Variants in COLEC11 observed in about 807,000 individuals in gnomAD.
The protein encoded by COLEC11 is collectin subfamily member 11, also known as collectin-11.
In COLEC11, 20 loss-of-function variants were observed where a neutral mutation model predicts 27.3. That is an observed-to-expected ratio of 0.73 (90% CI 0.51 to 1.06). The LOEUF (loss-of-function observed/expected upper bound fraction) is 1.06, where lower values mean the gene tolerates loss of function less well. COLEC11 is among the 50% of genes least tolerant of loss of function. The pLI is 0.00. For synonymous variants in COLEC11, 163 were observed against 154.7 expected (o/e 1.05, Z -0.40); for missense variants, 310 against 383.0 (o/e 0.81, Z 1.59).
rs1382231609 is a variant in COLEC11, at chr2:3,600,657, G to A, written c.-26-3658G>A. ...AGGATGGCGTCCCCCAGGGGAGGGC[G>A]CGTGGATGGGAGCGGGGCTGGGGCT... On this transcript the variant is annotated intron_variant, in intron 1 of 6. Coordinates refer to ENST00000349077, the MANE Select transcript of COLEC11 (RefSeq NM_024027.5). Among the ~76,000 whole-genome samples the A allele has an allele frequency of 5.9e-5, 9 of 152,234 alleles. No individual in the cohort carries two copies. The South Asian group carries it at 1.0e-3, about 18-fold the overall frequency.
chr2:3,607,004 C>T lies in COLEC11; in HGVS notation c.130+2534C>T, dbSNP rs186932714. ...GGGATGAAGAAGCCGCGGCCTGTCT[C>T]CTCACAGTCCCGCCGTTCGGCCCCG... On this transcript the variant is annotated intron_variant, in intron 2 of 6. Transcript: ENST00000349077. 2.8e-3 allele frequency among the ~76,000 whole-genome samples: 432 copies of T among 152,350 alleles called. 2 individuals carry two copies. Among genetic ancestry groups the T allele is most frequent in the African/African-American group, 0.01 (421 of 41,578 alleles).
At chr2:3,604,652 C>T (rs376979251) in intron 2 of COLEC11, among the ~76,000 whole-genome samples, 182 bp downstream of exon 2, 4 of 152,220 alleles carry the variant, frequency 2.6e-5, no homozygotes, top group African/African-American at 7.2e-5. Flanking sequence ...AAACTGTCTT[C>T]GGCCATGGAA....
chr2:3,626,260 C>T lies in COLEC11; in HGVS notation c.203-11273C>T, dbSNP rs75339191. On this transcript the variant is annotated intron_variant, in intron 3 of 6. Transcript: ENST00000349077. ...GGGAGGAATATTGTTAGGCACAATG[C>T]GGTCCCAGCCTCAGCTGAGCAGTGC... Among the ~76,000 whole-genome samples, 184 of 152,364 alleles carry T rather than the reference C, an allele frequency of 1.2e-3. 4 individuals are homozygous for T. The East Asian group carries it at 0.03, about 25-fold the overall frequency.
Position 3,641,072 on chromosome 2 carries a change from C to T in COLEC11, c.328+741C>T, listed in dbSNP as rs1461842825. On this transcript the variant is annotated intron_variant, in intron 5 of 6. Coordinates refer to ENST00000349077, the MANE Select transcript of COLEC11 (RefSeq NM_024027.5). ...ACACCCACCCACCATGTAGACCCCACGGTGGACACCCACCCACCATGTAGA... is the reference window on the plus strand; with the variant it reads ...ACACCCACCCACCATGTAGACCCCATGGTGGACACCCACCCACCATGTAGA... Among the ~76,000 whole-genome samples the T allele has an allele frequency of 3.0e-5, 4 of 134,610 alleles. No homozygotes were observed. The South Asian group carries it at 8.4e-4, about 28-fold the overall frequency. The allele number at this position is 134,610 out of a possible 152,430, so 88.3% of individuals were successfully genotyped here. A position where few individuals can be genotyped will look rare whatever the true frequency, so the allele number is the denominator to read the frequency against.
chr2:3,610,776 C>T (rs544765319), intron 2 of COLEC11, among the ~76,000 whole-genome samples: 94 of 152,336 alleles, frequency 6.2e-4, no homozygotes, highest in South Asian at 1.4e-3. Context: ...AACCACCCCT[C>T]AGAGGGGCTT....
intron 2 of COLEC11, among the ~76,000 whole-genome samples, chr2:3,605,263 G>A (rs1278405739): frequency 6.6e-6 from 1 of 151,770 alleles, no homozygotes; most frequent in Non-Finnish European, 1.5e-5. Flanking sequence ...CCGCAGCAGA[G>A]TCCAGGCCGC....
At position 3,603,045 on chromosome 2, in the gene COLEC11, G is replaced by A. The variant is rs535983436; in HGVS notation, c.-26-1270G>A. Among the ~76,000 whole-genome samples, 17 of 152,372 alleles carry A rather than the reference G, an allele frequency of 1.1e-4. No individual in the cohort carries two copies. The South Asian group carries it at 2.3e-3, about 20-fold the overall frequency. On this transcript the variant is annotated intron_variant, in intron 1 of 6. Coordinates refer to ENST00000349077, the MANE Select transcript of COLEC11 (RefSeq NM_024027.5). The stretch of plus-strand genomic sequence containing the variant: ...TCGGCATCCACAAATGTTTCTGAAC[G>A]AATGATTAACCAAACGAAAGGCTGC...
chr2:3,616,652 T>A (rs1319664097), intron 3 of COLEC11, among the ~76,000 whole-genome samples: 4 of 152,220 alleles, frequency 2.6e-5, no homozygotes, highest in Non-Finnish European at 4.4e-5. Context: ...CCAGGCACTC[T>A]GCAGGCTGAG....
intron 3 of COLEC11, among the ~76,000 whole-genome samples, chr2:3,635,823 T>A (rs1301283530): frequency 6.6e-6 from 1 of 152,242 alleles, no homozygotes; most frequent in Non-Finnish European, 1.5e-5. Context: ...AGCCTGGGCC[T>A]CAGAGCAGCA....
intron 2 of COLEC11, among the ~76,000 whole-genome samples, chr2:3,609,352 A>ATTTTTTTTTGTTTTT (rs1663003201): frequency 1.1e-5 from 1 of 87,510 alleles, no homozygotes; most frequent in East Asian, 3.1e-4. Context: ...TTTTTCTTTG[A>ATTTTTTTTTGTTTTT]TTTTTTTTTT....
chr2:3,615,836 G>A (rs1257652838), intron 3 of COLEC11, among the ~76,000 whole-genome samples: 6 of 20,362 alleles, frequency 2.9e-4, no homozygotes, highest in Non-Finnish European at 6.1e-4. Context: ...CGGACGCGGC[G>A]GCTGGCCGGG....
rs989554317 is a variant in COLEC11, at chr2:3,605,995, A to G, written c.130+1525A>G. On this transcript the variant is annotated intron_variant, in intron 2 of 6. Coordinates refer to ENST00000349077, the MANE Select transcript of COLEC11 (RefSeq NM_024027.5). ...TAATTGTGATAAATGTACCTGCTTT[A>G]GAAAATGTTTAATTATGTTGGAAGC... 20 of 1,430,540 alleles carry G rather than the reference A, an allele frequency of 1.4e-5. 1 individual carries two copies. In the Admixed American group the frequency reaches 2.4e-4, roughly 17 times the overall value. 88.6% of individuals were successfully genotyped at this position (1,430,540 alleles called of 1,614,324 possible). A position where few individuals can be genotyped will look rare whatever the true frequency, so the allele number is the denominator to read the frequency against.
In COLEC11 at chr2:3,604,444, T is replaced by C; in HGVS notation, c.104T>C (p.Val35Ala). The change falls in exon 2 of 7, where the codon GTG becomes GCG. Residue 35 changes from valine to alanine, a missense_variant. Coordinates refer to ENST00000349077, the MANE Select transcript of COLEC11 (RefSeq NM_024027.5). ...CCGGCTGGCGATGACGCCTGCTCTG[T>C]GCAGATCCTCGTCCCTGGCCTCAAA... ...PQPAGDDACS[V>A]QILVPGLKGD... 6.2e-7 allele frequency: 1 copy of C among 1,614,208 alleles called. No individual in the cohort carries two copies. Among genetic ancestry groups the C allele is most frequent in the Non-Finnish European group, 8.5e-7 (1 of 1,180,040 alleles).
chr2:3,638,673 C>A (rs1665621596), intron 4 of COLEC11, among the ~76,000 whole-genome samples: 1 of 152,114 alleles, frequency 6.6e-6, no homozygotes, highest in African/African-American at 2.4e-5. Context: ...TGGGGAGGGG[C>A]CTAGCTCAGC....
At position 3,604,275 on chromosome 2, in the gene COLEC11, G is replaced by A. The variant is rs771395405; in HGVS notation, c.-26-40G>A. 8.1e-6 allele frequency: 13 copies of A among 1,609,794 alleles called. 1 individual carries two copies. The South Asian group carries it at 8.8e-5, about 11-fold the overall frequency. Reference sequence around the variant, plus strand: ...GCTCACTGTCACTGGCTGCCCGGCTGTTGCAGTTCCCATCACTGTTTATTC... The same window carrying A: ...GCTCACTGTCACTGGCTGCCCGGCTATTGCAGTTCCCATCACTGTTTATTC... On this transcript the variant is annotated intron_variant, in intron 1 of 6. Coordinates refer to ENST00000349077, the MANE Select transcript of COLEC11 (RefSeq NM_024027.5).
chr2:3,603,768 C>T lies in COLEC11; in HGVS notation c.-26-547C>T, dbSNP rs1662416858. The T allele has an allele frequency of 2.7e-6, 3 of 1,091,988 alleles. No homozygotes were observed. The African/African-American group carries it at 4.7e-5, about 17-fold the overall frequency. The allele number at this position is 1,091,988 out of a possible 1,614,324, so 67.6% of individuals were successfully genotyped here. On this transcript the variant is annotated intron_variant, in intron 1 of 6. Transcript: ENST00000349077. ...GGCCCCTGGGTTCCTAAGGCCGGGGCTCCTCTCTCCTTACTGATCTCACCG... is the reference window on the plus strand; with the variant it reads ...GGCCCCTGGGTTCCTAAGGCCGGGGTTCCTCTCTCCTTACTGATCTCACCG...
chr2:3,637,463 A>G (rs1665508562), intron 3 of COLEC11, 70 bp from the exon 4 acceptor site: 1 of 1,189,182 alleles, frequency 8.4e-7, no homozygotes, highest in African/African-American at 1.5e-5. Flanking sequence ...TTATCCGTGC[A>G]CGTGTGTGAT....
chr2:3,613,483 A>G (rs1435145629), intron 3 of COLEC11, 101 bp downstream of exon 3: 9 of 1,269,704 alleles, frequency 7.1e-6, no homozygotes, highest in Non-Finnish European at 1.0e-5. Context: ...CAGAGAGGAC[A>G]GGCCCTGCCC....
chr2:3,641,677 C>A (rs1050358967), intron 5 of COLEC11, among the ~76,000 whole-genome samples: 1 of 152,136 alleles, frequency 6.6e-6, no homozygotes, highest in East Asian at 1.9e-4. Context: ...CCAAGGCAAA[C>A]CCCAAGAAAG....
Sources: gnomAD v4.1 joint callset for allele counts (sites outside exome capture counted in the v4.1 genomes callset) on GRCh38, gnomAD v4.1.1 for gene constraint, MANE v1.5 for transcripts, NCBI Gene and HGNC (gene_info 2026-07-23, HGNC 2026-07-21) for gene names.